Variants in TIAM2 observed in about 807,000 individuals in gnomAD.
TIAM2 encodes the protein TIAM Rac1 associated GEF 2, also known as rho guanine nucleotide exchange factor TIAM2.
In TIAM2, 80 loss-of-function variants were observed where a neutral mutation model predicts 152.9. That is an observed-to-expected ratio of 0.52 (90% CI 0.44 to 0.63). The LOEUF is 0.63. Among genes scored for constraint, TIAM2 ranks in the 30% least tolerant of loss-of-function variants. The pLI is 0.00. For synonymous variants in TIAM2, 804 were observed against 838.0 expected (o/e 0.96, Z 0.70); for missense variants, 1,965 against 2,120.1 (o/e 0.93, Z 1.44).
chr6:155,107,165 T>G (rs1437996184), intron 2 of TIAM2, among the ~76,000 whole-genome samples: 1 of 151,762 alleles, frequency 6.6e-6, no homozygotes, highest in Non-Finnish European at 1.5e-5. Flanking sequence ...CTGGCAAAGG[T>G]AAGGTTATAA....
rs551334732 is a variant in TIAM2, at chr6:155,223,200, C to T, written c.3168+11893C>T. ...CTTTCCCTGTTAGGAATTTATGAAC[C>T]GTCAGTTTGTGATCCTTACTTTGAG... On this transcript the variant is annotated intron_variant, in intron 15 of 26. Transcript: ENST00000682666. Among the ~76,000 whole-genome samples the T allele has an allele frequency of 4.6e-5, 7 of 152,252 alleles. No homozygotes were observed. The East Asian group carries it at 1.4e-3, about 29-fold the overall frequency.
chr6:155,247,961 A>C, intron 19 of TIAM2, 39 bp from the exon 20 acceptor site: 2 of 1,593,094 alleles, frequency 1.3e-6, no homozygotes, highest in Non-Finnish European at 8.6e-7. Context: ...AATTCACCCC[A>C]CTGTGCTCTT....
intron 4 of TIAM2, among the ~76,000 whole-genome samples, chr6:155,132,266 T>A (rs1779466368): frequency 6.8e-6 from 1 of 147,572 alleles, no homozygotes; most frequent in South Asian, 2.3e-4. Flanking sequence ...TAGATAGACA[T>A]AAAATTATAA....
chr6:155,140,573 TGAGAGAGAGAGAGAGAGAGAGA>T (rs57939338), intron 5 of TIAM2, among the ~76,000 whole-genome samples: 4 of 107,404 alleles, frequency 3.7e-5, no homozygotes, highest in Non-Finnish European at 7.2e-5. Context: ...TGTGTGTGTG[TGAGAGAGAGAGAGAGAGAGAGA>T]GAGAGAGAGA....
intron 1 of TIAM2, among the ~76,000 whole-genome samples, chr6:155,046,801 GCCA>G (rs1212989166): frequency 2.6e-5 from 4 of 152,142 alleles, no homozygotes; most frequent in African/African-American, 9.7e-5. Context: ...TGCAGGAGAG[GCCA>G]CCTGTCTGTG....
intron 1 of TIAM2, among the ~76,000 whole-genome samples, chr6:155,040,553 C>T (rs780156108): frequency 1.3e-5 from 2 of 152,120 alleles, no homozygotes; most frequent in East Asian, 1.9e-4. Context: ...GAGTCTTGCT[C>T]TCTCTCCTAG....
intron 2 of TIAM2, among the ~76,000 whole-genome samples, chr6:155,124,268 G>A (rs1779238466): frequency 1.3e-5 from 2 of 152,180 alleles, no homozygotes; most frequent in African/African-American, 4.8e-5. Flanking sequence ...TGCTCCATCT[G>A]CCTCGGATTC....
chr6:155,148,233 C>G lies in TIAM2; in HGVS notation c.1927C>G (p.Leu643Val), dbSNP rs546247271. ...LRLLKNQTKN[L>V]LQKIDMDSKM... is the part of the protein sequence containing the mutation. Reference sequence around the variant, plus strand: ...GCTGCTGAAGAACCAGACCAAAAACCTGCTTCAGAAGATAGACATGGACAG... The same window carrying G: ...GCTGCTGAAGAACCAGACCAAAAACGTGCTTCAGAAGATAGACATGGACAG... The change falls in exon 7 of 27, where the codon CTG becomes GTG. Residue 643 changes from leucine to valine, a missense_variant. Leu to Val is a conservative substitution (Grantham distance 32, BLOSUM62 1). Transcript: ENST00000682666. 3 of 1,612,886 alleles carry G rather than the reference C, an allele frequency of 1.9e-6. No individual in the cohort carries two copies. Among genetic ancestry groups the G allele is most frequent in the Non-Finnish European group, 2.5e-6 (3 of 1,180,026 alleles).
At chr6:155,088,275 C>T (rs1286681499) in intron 1 of TIAM2, among the ~76,000 whole-genome samples, 3 of 151,940 alleles carry the variant, frequency 2.0e-5, no homozygotes, top group Admixed American at 1.3e-4. Flanking sequence ...AAACCCCAGC[C>T]ACTCCATGTT....
chr6:155,249,860 A>C lies in TIAM2; in HGVS notation c.3842A>C (p.Lys1281Thr). Residue 1281 changes from lysine (K) to threonine (T), a missense_variant, in exon 21 of 27, where the codon AAG becomes ACG. By Grantham distance (78) the Lys-to-Thr change is moderately conservative (BLOSUM62 -1). Coordinates refer to ENST00000682666, the MANE Select transcript of TIAM2 (RefSeq NM_012454.4). ...EEHYHLTEAL[K>T]AMEKVASHIN... is the part of the protein sequence containing the mutation. ...ATTTCATATCTTGCAGAAGCACTAAAGGCAATGGAGAAAGTAGCGAGCCAC... is the reference window on the plus strand; with the variant it reads ...ATTTCATATCTTGCAGAAGCACTAACGGCAATGGAGAAAGTAGCGAGCCAC... 6.2e-7 allele frequency: 1 copy of C among 1,612,898 alleles called. No individual in the cohort carries two copies. Among genetic ancestry groups the C allele is most frequent in the Non-Finnish European group, 8.5e-7 (1 of 1,179,536 alleles).
chr6:155,019,428 G>A (rs1214372988), intron 1 of TIAM2, among the ~76,000 whole-genome samples: 1 of 152,192 alleles, frequency 6.6e-6, no homozygotes, highest in Non-Finnish European at 1.5e-5. Flanking sequence ...ACTGTAAGGG[G>A]AGACTTGTGT....
intron 7 of TIAM2, among the ~76,000 whole-genome samples, chr6:155,152,177 A>G (rs1779987448): frequency 6.6e-6 from 1 of 152,130 alleles, no homozygotes; most frequent in South Asian, 2.1e-4. Flanking sequence ...AGTAACTTAC[A>G]CCCCTGAGCG....
At position 155,102,714 on chromosome 6, in the gene TIAM2, A is replaced by G. The variant is rs190925290; in HGVS notation, c.-118+12335A>G. On this transcript the variant is annotated intron_variant, in intron 2 of 26. Transcript: ENST00000682666. ...CAGTCAGGTTTGCAACAATTTTTGC[A>G]TAGTTTTTGACTAGGTATTAGTAAA... Among the ~76,000 whole-genome samples, 522 of 152,104 alleles carry G rather than the reference A, an allele frequency of 3.4e-3. 4 individuals are homozygous for G. Among genetic ancestry groups the G allele is most frequent in the African/African-American group, 0.012 (496 of 41,484 alleles).
chr6:155,132,724 C>T (rs1779475002), intron 4 of TIAM2, among the ~76,000 whole-genome samples: 2 of 152,234 alleles, frequency 1.3e-5, no homozygotes, highest in African/African-American at 4.8e-5. Flanking sequence ...ATGGTGCCCA[C>T]CTGTGTTCAG....
In TIAM2 at chr6:155,131,094, T is replaced by G. The variant is rs71575018; in HGVS notation, c.1194+677T>G. 8.8e-3 allele frequency among the ~76,000 whole-genome samples: 1,344 copies of G among 152,334 alleles called. 9 individuals carry two copies. Among genetic ancestry groups the G allele is most frequent in the Non-Finnish European group, 0.015 (1,040 of 68,030 alleles). On this transcript the variant is annotated intron_variant, in intron 4 of 26. Coordinates refer to ENST00000682666, the MANE Select transcript of TIAM2 (RefSeq NM_012454.4). The stretch of plus-strand genomic sequence containing the variant: ...ACTTGGCCATAGCCGGTGTGGCAGC[T>G]CATGCCTGTCATCCCAGCACTTGGG...
chr6:155,232,328 T>C (rs527783922), intron 15 of TIAM2, among the ~76,000 whole-genome samples: 1 of 152,280 alleles, frequency 6.6e-6, no homozygotes, highest in Admixed American at 6.5e-5. Context: ...TGCTTGAATA[T>C]GACAGCTGAC....
rs572087697 is a variant in TIAM2, at chr6:155,085,075, A to T, written c.-208-5214A>T. On this transcript the variant is annotated intron_variant, in intron 1 of 26. Transcript: ENST00000682666. ...AGATCCTACAAACCTGGGTCACAGG[A>T]GGGGTTAAGGGAGATGGGAGTTACA... Among the ~76,000 whole-genome samples the T allele has an allele frequency of 1.5e-3, 228 of 152,228 alleles. 1 individual carries two copies. Among genetic ancestry groups the T allele is most frequent in the African/African-American group, 5.4e-3 (223 of 41,540 alleles).
intron 1 of TIAM2, among the ~76,000 whole-genome samples, chr6:155,037,243 C>G (rs1776939763): frequency 6.6e-6 from 1 of 152,106 alleles, no homozygotes; most frequent in South Asian, 2.1e-4. Flanking sequence ...AAATACTGAC[C>G]TCGAATAGAG....
chr6:155,243,239 A>T (rs1006104812), intron 16 of TIAM2, among the ~76,000 whole-genome samples: 3 of 151,898 alleles, frequency 2.0e-5, no homozygotes, highest in African/African-American at 7.3e-5. Context: ...GAATCAGTCA[A>T]CCCCAAAGTT....
Sources: gnomAD v4.1 joint callset for allele counts (sites outside exome capture counted in the v4.1 genomes callset) on GRCh38, gnomAD v4.1.1 for gene constraint, MANE v1.5 for transcripts, NCBI Gene and HGNC (gene_info 2026-07-23, HGNC 2026-07-21) for gene names.